The following CLNK variants were observed in gnomAD, a reference collection of about 807,000 sequenced individuals.
The protein encoded by CLNK is cytokine dependent hematopoietic cell linker.
In CLNK, 74 loss-of-function variants were observed where a neutral mutation model predicts 68.6. That is an observed-to-expected ratio of 1.08 (90% CI 0.89 to 1.31). CLNK has a LOEUF of 1.31. Among genes scored for constraint, CLNK ranks in the 50% most tolerant of loss-of-function variants. CLNK has a pLI of 0.00. For synonymous variants in CLNK, 198 were observed against 172.2 expected (o/e 1.15, Z -1.17); for missense variants, 553 against 515.3 (o/e 1.07, Z -0.71).
chr4:10,562,787 C>T (rs922358453), intron 7 of CLNK, among the ~76,000 whole-genome samples: 1 of 152,142 alleles, frequency 6.6e-6, no homozygotes, highest in Non-Finnish European at 1.5e-5. Context: ...CTTCCTTGTC[C>T]TGCATTATCA....
the CLNK span, among the ~76,000 whole-genome samples, chr4:10,695,930 ACTGCAACCT>A: frequency 2.0e-5 from 3 of 149,480 alleles, no homozygotes; most frequent in African/African-American, 7.4e-5. Flanking sequence ...ATCTTTGCTC[ACTGCAACCT>A]CTGCCTCCCG....
At chr4:10,695,141 T>C in the CLNK span, among the ~76,000 whole-genome samples, 1 of 152,114 alleles carries the variant, frequency 6.6e-6, no homozygotes, top group Non-Finnish European at 1.5e-5. Flanking sequence ...TTAAGAGTAA[T>C]GTATTGTATA....
chr4:10,589,347 A>T (rs956256748), intron 3 of CLNK, among the ~76,000 whole-genome samples: 3 of 152,130 alleles, frequency 2.0e-5, no homozygotes, highest in Non-Finnish European at 4.4e-5. Context: ...TAGACCGCAG[A>T]GTTCTCTTGT....
At chr4:10,637,761 ATT>A (rs375771015) in intron 2 of CLNK, among the ~76,000 whole-genome samples, 89 of 140,766 alleles carry the variant, frequency 6.3e-4, no homozygotes, top group African/African-American at 1.1e-3. Flanking sequence ...GGCCCAGCTA[ATT>A]TTTTTTTTTT....
intron 15 of CLNK, among the ~76,000 whole-genome samples, chr4:10,518,853 A>G (rs556073449): frequency 6.6e-6 from 1 of 152,322 alleles, no homozygotes; most frequent in African/African-American, 2.4e-5. Flanking sequence ...CATCAGACTT[A>G]TAATTCTAGG....
At chr4:10,719,463 T>C in the CLNK span, among the ~76,000 whole-genome samples, 2 of 151,806 alleles carry the variant, frequency 1.3e-5, no homozygotes, top group African/African-American at 4.8e-5. Context: ...TTACCAGAGA[T>C]AGAGAGGAAC....
At chr4:10,522,445 C>T (rs1375394607) in intron 14 of CLNK, among the ~76,000 whole-genome samples, 1 of 147,458 alleles carries the variant, frequency 6.8e-6, no homozygotes, top group Non-Finnish European at 1.5e-5. Flanking sequence ...GTGGTGGCAT[C>T]TGCCTGTAGT....
chr4:10,562,910 A>G lies in CLNK; in HGVS notation c.399+1761T>C, dbSNP rs1423147010. On this transcript the variant is annotated intron_variant, in intron 7 of 18. Coordinates refer to ENST00000226951, the MANE Select transcript of CLNK (RefSeq NM_052964.4). ...CATAAGCACAGGGAATTGGTGGTTCACGGATATGTCTTTAGAGTCTATAAT... is the reference window on the plus strand; with the variant it reads ...CATAAGCACAGGGAATTGGTGGTTCGCGGATATGTCTTTAGAGTCTATAAT... Among the ~76,000 whole-genome samples, 3 of 152,176 alleles carry G rather than the reference A, an allele frequency of 2.0e-5. No homozygotes were observed. In the East Asian group the frequency reaches 5.8e-4, roughly 29 times the overall value.
Position 10,585,016 on chromosome 4 carries a change from C to T in CLNK, c.84-61G>A, listed in dbSNP as rs1720919952. On this transcript the variant is annotated intron_variant, in intron 3 of 18. Transcript: ENST00000226951. ...TGCTCCACCTCCACCGACCCCCCGC[C>T]ACATAGGAACAGGCAGTCATCAAAC... 11 of 1,563,954 alleles carry T rather than the reference C, an allele frequency of 7.0e-6. No individual in the cohort carries two copies. In the Admixed American group the frequency reaches 1.4e-4, roughly 19 times the overall value.
the CLNK span, among the ~76,000 whole-genome samples, chr4:10,707,254 T>C: frequency 6.6e-6 from 1 of 152,084 alleles, no homozygotes; most frequent in Admixed American, 6.5e-5. Flanking sequence ...ACAAAAAAAC[T>C]CATAATGTTT....
chr4:10,678,496 A>G (rs926989565), intron 1 of CLNK, among the ~76,000 whole-genome samples: 1 of 152,200 alleles, frequency 6.6e-6, no homozygotes, highest in Non-Finnish European at 1.5e-5. Flanking sequence ...GGATTAGCAC[A>G]TTTGAGGAAT....
chr4:10,596,389 C>T (rs1041430282), intron 3 of CLNK, among the ~76,000 whole-genome samples: 6 of 152,186 alleles, frequency 3.9e-5, no homozygotes, highest in African/African-American at 7.2e-5. Context: ...TGGGGCCACA[C>T]GGCTAATAAG....
chr4:10,572,949 C>T (rs1040544233), intron 4 of CLNK, among the ~76,000 whole-genome samples: 3 of 152,158 alleles, frequency 2.0e-5, no homozygotes, highest in Non-Finnish European at 2.9e-5. Context: ...GTGCCTCAGC[C>T]TCCCGAGTGG....
chr4:10,511,083 G>A (rs1210336025), intron 16 of CLNK, among the ~76,000 whole-genome samples: 1 of 152,146 alleles, frequency 6.6e-6, no homozygotes, highest in Non-Finnish European at 1.5e-5. Context: ...AAGCCGGGAG[G>A]TGGGGCGGGG....
intron 1 of CLNK, among the ~76,000 whole-genome samples, chr4:10,668,645 G>C (rs747117195): frequency 1.9e-4 from 29 of 152,172 alleles, no homozygotes; most frequent in Non-Finnish European, 7.3e-5. Flanking sequence ...ATCTGGGAGT[G>C]GTAACAAAAG....
At chr4:10,595,225 T>C (rs1721340451) in intron 3 of CLNK, among the ~76,000 whole-genome samples, 1 of 152,178 alleles carries the variant, frequency 6.6e-6, no homozygotes, top group Admixed American at 6.5e-5. Context: ...CCTCAGACTA[T>C]TTTTCCCTAT....
At chr4:10,571,718 G>C (rs759359363) in intron 5 of CLNK, 23 bp downstream of exon 5, 3 of 1,595,724 alleles carry the variant, frequency 1.9e-6, no homozygotes, top group South Asian at 1.1e-5. Flanking sequence ...GTATAAAATA[G>C]ATAAGGGAAG....
At chr4:10,499,341 A>G (rs1310844293) in intron 18 of CLNK, among the ~76,000 whole-genome samples, 1 of 152,106 alleles carries the variant, frequency 6.6e-6, no homozygotes, top group Non-Finnish European at 1.5e-5. Context: ...TCTGTGCAGA[A>G]CTAAAATTGC....
chr4:10,693,831 A>C, the CLNK span, among the ~76,000 whole-genome samples: 3 of 152,186 alleles, frequency 2.0e-5, no homozygotes, highest in Non-Finnish European at 2.9e-5. Flanking sequence ...GTGATCTCAA[A>C]TTAAGGATCT....
Sources: allele counts gnomAD v4.1 joint callset (sites outside exome capture counted in the v4.1 genomes callset), GRCh38; gene constraint gnomAD v4.1.1; transcripts MANE v1.5; gene names NCBI Gene and HGNC (gene_info 2026-07-23, HGNC 2026-07-21).